The following GARNL3 variants were observed in gnomAD, a reference collection of about 807,000 sequenced individuals.
The protein encoded by GARNL3 is GTPase-activating Rap/Ran-GAP domain-like protein 3.
In GARNL3, 63 loss-of-function variants were observed where a neutral mutation model predicts 125.0. The ratio of observed to expected loss-of-function variants is 0.50; its 90% CI spans 0.41 to 0.62. The LOEUF (loss-of-function observed/expected upper bound fraction) is 0.62, where lower values mean the gene tolerates loss of function less well. Ranked by LOEUF, GARNL3 falls within the 20% of genes least tolerant of loss-of-function variation. The pLI is 0.00. For missense variants in GARNL3, 994 were observed against 1,244.0 expected, an observed-to-expected ratio of 0.80 and a Z score of 3.02; for synonymous variants, 439 against 457.5, an observed-to-expected ratio of 0.96 and a Z score of 0.52.
intron 23 of GARNL3, 139 bp downstream of exon 23, chr9:127,383,684 TTC>T (rs1832392903): frequency 5.6e-6 from 3 of 538,716 alleles, no homozygotes; most frequent in Admixed American, 3.6e-5. Context: ...ATTCACAGCG[TTC>T]TTTTTCTTTT....
intron 2 of GARNL3, among the ~76,000 whole-genome samples, chr9:127,304,260 A>G (rs560700698): frequency 2.0e-5 from 3 of 152,342 alleles, no homozygotes; most frequent in Admixed American, 6.5e-5. Context: ...ATTGTAGGTT[A>G]AAACCACAAT....
intron 1 of GARNL3, among the ~76,000 whole-genome samples, chr9:127,285,323 T>G (rs895464834): frequency 2.0e-5 from 3 of 152,186 alleles, no homozygotes; most frequent in African/African-American, 7.2e-5. Context: ...CGCAGGAGAC[T>G]GAGGCAGGAG....
In GARNL3 at chr9:127,325,244, G is replaced by A; in HGVS notation, c.594+149G>A. The A allele has an allele frequency of 1.4e-5, 10 of 695,250 alleles. No individual in the cohort carries two copies. In the South Asian group the frequency reaches 2.0e-4, roughly 14 times the overall value. The allele number at this position is 695,250 out of a possible 1,614,324, so 43.1% of individuals were successfully genotyped here. On this transcript the variant is annotated intron_variant, in intron 7 of 27. Coordinates refer to ENST00000373387, the MANE Select transcript of GARNL3 (RefSeq NM_032293.5). ...ACACATTGCGCGGAAAGAACTTACT[G>A]GCATGTATTTTTAAGGTATATTTTA... is the stretch of plus-strand genomic sequence containing the variant.
At chr9:127,225,503 G>A in intron 1 of GARNL3, 2 of 432,794 alleles carry the variant, frequency 4.6e-6, no homozygotes, top group Non-Finnish European at 6.2e-6. Context: ...CGTGGGAAGG[G>A]TCTGCGGAGG....
chr9:127,311,408 G>T (rs2065094429), intron 2 of GARNL3, among the ~76,000 whole-genome samples: 1 of 152,108 alleles, frequency 6.6e-6, no homozygotes, highest in Admixed American at 6.6e-5. Context: ...AGGAATAGCT[G>T]AACTCACCGG....
intron 15 of GARNL3, among the ~76,000 whole-genome samples, chr9:127,344,926 G>A (rs1830058507): frequency 6.6e-6 from 1 of 152,194 alleles, no homozygotes; most frequent in Non-Finnish European, 1.5e-5. Context: ...TCACAGCATG[G>A]AGAAGGAGGA....
intron 2 of GARNL3, among the ~76,000 whole-genome samples, chr9:127,245,573 A>C (rs1277203698): frequency 1.3e-5 from 2 of 152,204 alleles, no homozygotes; most frequent in Non-Finnish European, 2.9e-5. Flanking sequence ...CTTGAAACCA[A>C]ATTGCAAGGC....
At chr9:127,279,613 A>G (rs2064051710) in intron 1 of GARNL3, among the ~76,000 whole-genome samples, 1 of 152,150 alleles carries the variant, frequency 6.6e-6, no homozygotes, top group African/African-American at 2.4e-5. Flanking sequence ...TATTGCAAAG[A>G]GCTCATGTCT....
chr9:127,256,362 G>A (rs899820328), intron 2 of GARNL3, among the ~76,000 whole-genome samples: 10 of 152,186 alleles, frequency 6.6e-5, no homozygotes, highest in Non-Finnish European at 1.3e-4. Context: ...AGACCTCCCC[G>A]GCTTCTGCTG....
intron 16 of GARNL3, among the ~76,000 whole-genome samples, chr9:127,347,044 C>T (rs555872753): frequency 3.9e-5 from 6 of 152,282 alleles, no homozygotes; most frequent in South Asian, 4.1e-4. Flanking sequence ...TGACACTGCA[C>T]GCCCCAATAT....
chr9:127,338,260 G>A, intron 12 of GARNL3, 99 bp downstream of exon 12: 1 of 954,658 alleles, frequency 1.0e-6, no homozygotes, highest in Non-Finnish European at 1.7e-6. Context: ...TTTCTTGATT[G>A]ATTTAATATG....
intron 3 of GARNL3, chr9:127,313,214 T>C: frequency 1.9e-6 from 1 of 516,362 alleles, no homozygotes; most frequent in Non-Finnish European, 3.5e-6. Context: ...ATTTCTCCAG[T>C]CTCATTGGCC....
chr9:127,275,700 A>G (rs990419571), intron 1 of GARNL3, among the ~76,000 whole-genome samples: 1 of 152,236 alleles, frequency 6.6e-6, no homozygotes, highest in Non-Finnish European at 1.5e-5. Context: ...TTGGCTTACC[A>G]TAAATGGCTG....
chr9:127,309,596 A>G (rs1248013735), intron 2 of GARNL3, among the ~76,000 whole-genome samples: 1 of 152,222 alleles, frequency 6.6e-6, no homozygotes, highest in Non-Finnish European at 1.5e-5. Flanking sequence ...TATTAAAAGA[A>G]TACTATACCA....
upstream of GARNL3, among the ~76,000 whole-genome samples, chr9:127,259,953 A>C (rs1040645849): frequency 1.1e-4 from 16 of 152,168 alleles, no homozygotes; most frequent in Non-Finnish European, 2.1e-4. Flanking sequence ...GGATCGCTTA[A>C]ACCCAGGAGT....
chr9:127,376,358 A>G (rs1218090760), intron 22 of GARNL3, among the ~76,000 whole-genome samples: 2 of 152,052 alleles, frequency 1.3e-5, no homozygotes, highest in East Asian at 1.9e-4. Context: ...AGCTGGGACT[A>G]CAGGCGCCTG....
intron 1 of GARNL3, among the ~76,000 whole-genome samples, chr9:127,231,110 A>G (rs1293979077): frequency 1.5e-5 from 2 of 133,554 alleles, no homozygotes; most frequent in African/African-American, 6.0e-5. Context: ...GCTGGAGTGC[A>G]GTGGCGCTAT....
At chr9:127,370,978 G>A (rs1350480250) in intron 22 of GARNL3, among the ~76,000 whole-genome samples, 1 of 152,114 alleles carries the variant, frequency 6.6e-6, no homozygotes, top group Non-Finnish European at 1.5e-5. Flanking sequence ...GACTCAACCT[G>A]TCCACCCTGA....
chr9:127,314,723 G>A (rs1048805463), intron 4 of GARNL3, among the ~76,000 whole-genome samples: 9 of 152,230 alleles, frequency 5.9e-5, no homozygotes, highest in African/African-American at 2.2e-4. Context: ...TGGGACAAAT[G>A]CAGGGGGAAC....
Sources: gnomAD v4.1 joint callset for allele counts (sites outside exome capture counted in the v4.1 genomes callset) on GRCh38, gnomAD v4.1.1 for gene constraint, MANE v1.5 for transcripts, NCBI Gene and HGNC (gene_info 2026-07-23, HGNC 2026-07-21) for gene names.